CCDC93: variants seen among roughly 807,000 people sequenced by gnomAD.
CCDC93 encodes coiled-coil domain-containing protein 93.
In CCDC93, 61 loss-of-function variants were observed where a neutral mutation model predicts 108.2. That is an observed-to-expected ratio of 0.56 (90% CI 0.46 to 0.70). The LOEUF (loss-of-function observed/expected upper bound fraction) is 0.70, where lower values mean the gene tolerates loss of function less well. Among genes scored for constraint, CCDC93 ranks in the 30% least tolerant of loss-of-function variants. The pLI is 0.00. For synonymous variants in CCDC93, 276 were observed against 260.4 expected, an observed-to-expected ratio of 1.06 and a Z score of -0.58; for missense variants, 685 against 764.2, an observed-to-expected ratio of 0.90 and a Z score of 1.22.
At chr2:117,997,651 T>C (rs1558802488) in intron 4 of CCDC93, 2 of 152,250 alleles carry the variant, frequency 1.3e-5, no homozygotes, top group African/African-American at 2.4e-5. Flanking sequence ...ATCTTCTATA[T>C]ATTTCTACCA....
intron 11 of CCDC93, among the ~76,000 whole-genome samples, chr2:117,965,125 T>C (rs918577076): frequency 3.9e-5 from 6 of 152,158 alleles, no homozygotes; most frequent in Non-Finnish European, 7.4e-5. Flanking sequence ...AAAATCTACC[T>C]AGACCCCCAC....
chr2:117,990,764 AAAATGAGCAAGCAAC>A lies in CCDC93; in HGVS notation c.519+4667_519+4681del, dbSNP rs966897956. 6.6e-5 allele frequency among the ~76,000 whole-genome samples: 10 copies of A among 152,318 alleles called. No individual in the cohort carries two copies. The East Asian group carries it at 7.7e-4, about 12-fold the overall frequency. On this transcript the variant is annotated intron_variant, in intron 6 of 23. Transcript: ENST00000376300. Reference sequence around the variant, plus strand: ...AGATATCCTCAATATACTACTGAGCAAAATGAGCAAGCAACAAATGAGCAAGCAACAAAACAGAAT... The same window carrying A: ...AGATATCCTCAATATACTACTGAGCAAAATGAGCAAGCAACAAAACAGAAT...
intron 7 of CCDC93, among the ~76,000 whole-genome samples, chr2:117,978,693 T>A (rs1680018346): frequency 6.6e-6 from 1 of 152,156 alleles, no homozygotes; most frequent in African/African-American, 2.4e-5. Flanking sequence ...ATAAAGTTAA[T>A]GCAAACATTT....
chr2:117,923,282 G>A (rs933315520), intron 23 of CCDC93, among the ~76,000 whole-genome samples: 2 of 152,168 alleles, frequency 1.3e-5, no homozygotes, highest in East Asian at 1.9e-4. Context: ...GACAGCGCGT[G>A]CAGTGCACTC....
intron 23 of CCDC93, among the ~76,000 whole-genome samples, chr2:117,926,394 A>C (rs1392065179): frequency 6.6e-6 from 1 of 152,210 alleles, no homozygotes; most frequent in African/African-American, 2.4e-5. Context: ...AGAAGAAAAG[A>C]GAGAAGAATC....
At chr2:117,946,615 C>G (rs1380401027) in intron 16 of CCDC93, among the ~76,000 whole-genome samples, 196 bp downstream of exon 16, 1 of 152,168 alleles carries the variant, frequency 6.6e-6, no homozygotes, top group Non-Finnish European at 1.5e-5. Flanking sequence ...CCTTCCACAC[C>G]CTCTGCTGCC....
intron 20 of CCDC93, 187 bp from the exon 21 acceptor site, chr2:117,936,926 G>T: frequency 1.7e-6 from 1 of 584,130 alleles, no homozygotes; most frequent in Non-Finnish European, 3.1e-6. Flanking sequence ...ATTTCCTCAG[G>T]GAATCCACCT....
Position 117,974,854 on chromosome 2 carries a change from T to G in CCDC93, c.797A>C (p.Glu266Ala). The change falls in exon 10 of 24, where the codon GAG (glutamate) becomes GCG (alanine). Residue 266 changes from glutamate to alanine, a missense_variant. By Grantham distance (107) the Glu-to-Ala change is moderately radical. Transcript: ENST00000376300. Reference protein sequence around the residue: ...LMTKMTAMANEESRLTASSVG... With the variant: ...LMTKMTAMANAESRLTASSVG... ...ACCTCCCCGACTCCCACTCACCTCC[T>G]CATTTGCCATAGCGGTCATCTTGGT... 6.4e-7 allele frequency: 1 copy of G among 1,571,386 alleles called. No homozygotes were observed. Among genetic ancestry groups the G allele is most frequent in the Non-Finnish European group, 8.6e-7 (1 of 1,157,484 alleles).
intron 21 of CCDC93, chr2:117,935,809 T>C (rs1678503131): frequency 7.9e-6 from 3 of 381,464 alleles, no homozygotes; most frequent in Non-Finnish European, 1.4e-5. Context: ...TTAATCTTTT[T>C]TGTCATACTT....
chr2:117,999,158 A>C (rs1308552886), intron 4 of CCDC93: 1 of 152,214 alleles, frequency 6.6e-6, no homozygotes, highest in Non-Finnish European at 1.5e-5. Context: ...ACCCAAGGTC[A>C]CACAGCTAGA....
At chr2:117,979,214 T>A (rs1680037450) in intron 7 of CCDC93, among the ~76,000 whole-genome samples, 1 of 152,146 alleles carries the variant, frequency 6.6e-6, no homozygotes, top group Admixed American at 6.5e-5. Flanking sequence ...CTCAGGAGCC[T>A]TATAAAGCCT....
intron 7 of CCDC93, among the ~76,000 whole-genome samples, chr2:117,982,673 CT>C (rs58713217): frequency 0.056 from 8,538 of 151,798 alleles, 288 homozygotes; most frequent in Non-Finnish European, 0.082. Context: ...TACTTTCCCC[CT>C]GACAAGAGGT....
chr2:117,950,754 A>T, intron 13 of CCDC93: 1 of 985,448 alleles, frequency 1.0e-6, no homozygotes, highest in Non-Finnish European at 1.2e-6. Context: ...GTTCAGTACT[A>T]GGTTTTATAC....
In CCDC93 at chr2:118,013,186, C is replaced by A. The variant is rs571612951; in HGVS notation, c.42+768G>T. Among the ~76,000 whole-genome samples, 6 of 152,366 alleles carry A rather than the reference C, an allele frequency of 3.9e-5. No homozygotes were observed. The South Asian group carries it at 1.2e-3, about 32-fold the overall frequency. On this transcript the variant is annotated intron_variant, in intron 1 of 23. Transcript: ENST00000376300. ...ACACTTTCCCTGTATTCCCAGCAAA[C>A]GTGGAAATCCGCAAACCACTCATGA...
intron 22 of CCDC93, 115 bp downstream of exon 22, chr2:117,935,380 C>CT (rs1438998335): frequency 1.4e-6 from 1 of 725,638 alleles, no homozygotes; most frequent in African/African-American, 1.8e-5. Flanking sequence ...AGAAATGTGT[C>CT]TTTTCAGGAT....
chr2:118,001,041 G>A, intron 3 of CCDC93, 109 bp from the exon 4 acceptor site: 1 of 673,146 alleles, frequency 1.5e-6, no homozygotes, highest in Non-Finnish European at 2.7e-6. Flanking sequence ...TCCATGCCAG[G>A]CTAGTCCAGA....
intron 7 of CCDC93, chr2:117,985,254 C>CA (rs1379750503): frequency 6.6e-6 from 1 of 152,650 alleles, no homozygotes; most frequent in Non-Finnish European, 1.5e-5. Context: ...CAGGCAAAGC[C>CA]ATCAGATGCT....
At chr2:117,980,612 T>G (rs1013072924) in intron 7 of CCDC93, among the ~76,000 whole-genome samples, 1 of 152,200 alleles carries the variant, frequency 6.6e-6, no homozygotes, top group Non-Finnish European at 1.5e-5. Flanking sequence ...TTATCCCTCA[T>G]GAGTAATCCG....
intron 12 of CCDC93, among the ~76,000 whole-genome samples, chr2:117,956,813 A>C (rs1338178725): frequency 1.3e-5 from 2 of 152,166 alleles, no homozygotes; most frequent in Non-Finnish European, 2.9e-5. Context: ...ATTGGGCAGG[A>C]CCATTTGATA....
Sources: gnomAD v4.1 joint callset for allele counts (sites outside exome capture counted in the v4.1 genomes callset) on GRCh38, gnomAD v4.1.1 for gene constraint, MANE v1.5 for transcripts, NCBI Gene and HGNC (gene_info 2026-07-23, HGNC 2026-07-21) for gene names.